LPA: variants seen among roughly 807,000 people sequenced by gnomAD.
LPA encodes the protein lipoprotein(a).
Under a neutral mutation model 197.9 loss-of-function variants are expected in LPA, and 199 were observed. The ratio of observed to expected loss-of-function variants is 1.01; its 90% CI spans 0.90 to 1.13. LPA has a LOEUF of 1.13. Ranked by LOEUF, LPA falls within the 50% of genes most tolerant of loss-of-function variation. LPA has a pLI of 0.00. For missense variants in LPA, 1,853 were observed against 1,785.8 expected (o/e 1.04, Z -0.68); for synonymous variants, 715 against 639.5 (o/e 1.12, Z -1.78).
intron 30 of LPA, among the ~76,000 whole-genome samples, chr6:160,555,238 A>AATTATATCAT (rs1554231843): frequency 3.2e-4 from 38 of 119,950 alleles, no homozygotes; most frequent in Non-Finnish European, 5.2e-4. Context: ...TATATATATT[A>AATTATATCAT]ATTATATTAT....
intron 1 of LPA, among the ~76,000 whole-genome samples, chr6:160,655,104 A>G (rs1410239173): frequency 6.6e-6 from 1 of 152,172 alleles, no homozygotes; most frequent in Non-Finnish European, 1.5e-5. Context: ...CGCTGTGCTG[A>G]CCCACTTCAT....
At chr6:160,594,209 TGAGA>T in intron 21 of LPA, 92 bp from the exon 22 acceptor site, 2 of 1,485,360 alleles carry the variant, frequency 1.3e-6, no homozygotes, top group South Asian at 2.3e-5. Context: ...TCATTGTCTC[TGAGA>T]AAGACTACCA....
At chr6:160,610,491 C>A (rs1779472993) in intron 16 of LPA, among the ~76,000 whole-genome samples, 1 of 152,154 alleles carries the variant, frequency 6.6e-6, no homozygotes, top group South Asian at 2.1e-4. Flanking sequence ...TATGTGATCT[C>A]TATCTTCTTA....
chr6:160,590,054 G>A (rs906742381), intron 23 of LPA, among the ~76,000 whole-genome samples: 13 of 152,272 alleles, frequency 8.5e-5, no homozygotes, highest in African/African-American at 2.4e-4. Context: ...TGCATCAGGC[G>A]GTGCAGGCTG....
intron 33 of LPA, among the ~76,000 whole-genome samples, chr6:160,544,214 C>G (rs918205596): frequency 6.6e-6 from 1 of 151,992 alleles, no homozygotes; most frequent in Non-Finnish European, 1.5e-5. Flanking sequence ...TTCAAGGCAG[C>G]CTGTCAAGGA....
At chr6:160,610,745 C>T (rs1341010826) in intron 16 of LPA, among the ~76,000 whole-genome samples, 1 of 152,132 alleles carries the variant, frequency 6.6e-6, no homozygotes, top group East Asian at 1.9e-4. Flanking sequence ...TGGCTACAGG[C>T]TGCTTGAGCT....
rs1779018925 is a variant in LPA at position 160,591,012 on chromosome 6, C to A, written c.3719G>T (p.Cys1240Phe). 1.9e-6 allele frequency: 3 copies of A among 1,613,852 alleles called. No individual in the cohort carries two copies. The highest frequency in any genetic ancestry group is 3.3e-5 in the Admixed American group (2 of 59,990). The part of the protein sequence containing the change: ...TMDPNVRWEY[C>F]NLTQCPVTES... ...TGTCACTGGACATTGTGTCAGGTTG[C>A]AGTACTCCCATCTGACATTGGGATC... The change falls in exon 23 of 39, where the codon TGC becomes TTC. Residue 1240 changes from cysteine to phenylalanine, a missense_variant. Coordinates refer to ENST00000316300, the MANE Select transcript of LPA (RefSeq NM_005577.4).
At chr6:160,555,856 AT>A (rs1383535981) in intron 30 of LPA, among the ~76,000 whole-genome samples, 168 bp downstream of exon 30, 1 of 152,156 alleles carries the variant, frequency 6.6e-6, no homozygotes, top group African/African-American at 2.4e-5. Context: ...CAAGCCTAAA[AT>A]ACCTATTCTC....
intron 16 of LPA, among the ~76,000 whole-genome samples, chr6:160,609,432 T>G (rs1437006747): frequency 6.6e-6 from 1 of 152,148 alleles, no homozygotes; most frequent in Non-Finnish European, 1.5e-5. Context: ...GACACAGCTC[T>G]TTTTTCTCCA....
intron 26 of LPA, among the ~76,000 whole-genome samples, chr6:160,582,365 C>CT (rs1225538551): frequency 6.6e-6 from 1 of 151,690 alleles, no homozygotes; most frequent in Non-Finnish European, 1.5e-5. Context: ...CTGATTTGAT[C>CT]TTTTTTTCTT....
chr6:160,542,001 A>G (rs755901752), intron 34 of LPA, among the ~76,000 whole-genome samples: 2 of 152,240 alleles, frequency 1.3e-5, no homozygotes, highest in Non-Finnish European at 2.9e-5. Flanking sequence ...AATTGAGCAC[A>G]GGTGCCCTGG....
intron 28 of LPA, among the ~76,000 whole-genome samples, chr6:160,558,044 T>G (rs554952173): frequency 6.6e-6 from 1 of 151,872 alleles, no homozygotes; most frequent in East Asian, 1.9e-4. Flanking sequence ...CTCAGTCTCC[T>G]GAGTAGCTGG....
chr6:160,634,936 C>A (rs1235365854), intron 7 of LPA, among the ~76,000 whole-genome samples, 187 bp downstream of exon 7: 22 of 150,230 alleles, frequency 1.5e-4, no homozygotes, highest in Non-Finnish European at 2.6e-4. Flanking sequence ...CAAAGCCCAC[C>A]CAAGTTGCAC....
chr6:160,591,196 A>G, intron 22 of LPA, 95 bp from the exon 23 acceptor site: 2 of 1,497,726 alleles, frequency 1.3e-6, no homozygotes, highest in Non-Finnish European at 1.8e-6. Flanking sequence ...AGTGGTAAAA[A>G]GTGACTTTGA....
chr6:160,610,577 C>G (rs534533161), intron 16 of LPA, among the ~76,000 whole-genome samples: 2 of 152,262 alleles, frequency 1.3e-5, no homozygotes, highest in African/African-American at 4.8e-5. Flanking sequence ...GAACCATTTT[C>G]TGTGCACATG....
At position 160,605,027 on chromosome 6, in the gene LPA, G is replaced by A. The variant is rs1205431169; in HGVS notation, c.2945+19C>T. 1.9e-6 allele frequency: 3 copies of A among 1,612,884 alleles called. No homozygotes were observed. Among genetic ancestry groups the A allele is most frequent in the Non-Finnish European group, 2.5e-6 (3 of 1,179,648 alleles). ...TCCACTGACCCTTCCTTCACTTATGGTAAAGAAAATAGACATACGCATTTG... is the reference window on the plus strand; with the variant it reads ...TCCACTGACCCTTCCTTCACTTATGATAAAGAAAATAGACATACGCATTTG... On this transcript the variant is annotated intron_variant, in intron 18 of 38. Coordinates refer to ENST00000316300, the MANE Select transcript of LPA (RefSeq NM_005577.4).
intron 1 of LPA, among the ~76,000 whole-genome samples, chr6:160,653,598 T>C (rs969383136): frequency 6.6e-6 from 1 of 151,868 alleles, no homozygotes; most frequent in Admixed American, 6.6e-5. Context: ...ATACCAGTCA[T>C]ATAAAGAAGA....
chr6:160,588,086 T>C (rs568254317), intron 24 of LPA, among the ~76,000 whole-genome samples: 1 of 152,034 alleles, frequency 6.6e-6, no homozygotes, highest in Non-Finnish European at 1.5e-5. Flanking sequence ...ACCAATGTCA[T>C]CAATTCTATA....
chr6:160,650,638 A>C (rs915190619), intron 1 of LPA, 141 bp from the exon 2 acceptor site: 2 of 746,626 alleles, frequency 2.7e-6, no homozygotes, highest in Non-Finnish European at 4.7e-6. Flanking sequence ...ACAGACGTGC[A>C]AAAAACCAAA....
Sources: allele counts gnomAD v4.1 joint callset (sites outside exome capture counted in the v4.1 genomes callset), GRCh38; gene constraint gnomAD v4.1.1; transcripts MANE v1.5; gene names NCBI Gene and HGNC (gene_info 2026-07-23, HGNC 2026-07-21).